The following PICALM variants were observed in gnomAD, a reference collection of about 807,000 sequenced individuals.
The protein encoded by PICALM is phosphatidylinositol binding clathrin assembly protein.
PICALM carries 40 observed loss-of-function variants against 80.5 expected under a neutral mutation model. That is an observed-to-expected ratio of 0.50 (90% CI 0.39 to 0.65). The LOEUF (loss-of-function observed/expected upper bound fraction) is 0.65, where lower values mean the gene tolerates loss of function less well. Ranked by LOEUF, PICALM falls within the 30% of genes least tolerant of loss-of-function variation. The probability of loss-of-function intolerance (pLI) is 0.00; values close to 1 mark genes in which losing one functional copy is unlikely to be tolerated. For synonymous variants in PICALM, 288 were observed against 260.3 expected, an observed-to-expected ratio of 1.11 and a Z score of -1.02; for missense variants, 676 against 778.9, an observed-to-expected ratio of 0.87 and a Z score of 1.57.
intron 1 of PICALM, among the ~76,000 whole-genome samples, chr11:86,039,590 A>G (rs2095911364): frequency 1.3e-5 from 2 of 152,298 alleles, no homozygotes; most frequent in South Asian, 4.1e-4. Flanking sequence ...TTATTTTAAC[A>G]AAGTTCTTCC....
At chr11:85,961,725 CT>C (rs1349443747) in intron 19 of PICALM, among the ~76,000 whole-genome samples, 2 of 152,134 alleles carry the variant, frequency 1.3e-5, no homozygotes, top group Non-Finnish European at 2.9e-5. Context: ...ACAAAATGAG[CT>C]TTTCTTTTAG....
chr11:86,017,680 T>C (rs778047028), intron 4 of PICALM, among the ~76,000 whole-genome samples: 1 of 152,218 alleles, frequency 6.6e-6, no homozygotes, highest in Non-Finnish European at 1.5e-5. Flanking sequence ...GGGTTATAAG[T>C]GTGCCAAGAT....
rs185638768 is a variant in PICALM at position 86,030,016 on chromosome 11, T to C, written c.273+1453A>G. Among the ~76,000 whole-genome samples the C allele has an allele frequency of 2.6e-5, 4 of 152,236 alleles. No homozygotes were observed. In the East Asian group the frequency reaches 7.7e-4, roughly 29 times the overall value. ...AAAAACTACAAATAAAATCACTCAA[T>C]GTGGTGGTATAACGATGAATCAGAA... On this transcript the variant is annotated intron_variant, in intron 2 of 19. Transcript: ENST00000393346.
intron 1 of PICALM, among the ~76,000 whole-genome samples, chr11:86,032,051 T>G (rs1194231056): frequency 6.6e-6 from 1 of 152,136 alleles, no homozygotes. Flanking sequence ...ATGAACAAAA[T>G]GAAGATCAAA....
At chr11:86,036,996 G>A (rs893149547) in intron 1 of PICALM, among the ~76,000 whole-genome samples, 1 of 151,584 alleles carries the variant, frequency 6.6e-6, no homozygotes, top group Non-Finnish European at 1.5e-5. Flanking sequence ...AGCCAGGCTG[G>A]AGTGCATGGC....
At chr11:86,028,802 T>C (rs1453680445) in intron 2 of PICALM, among the ~76,000 whole-genome samples, 1 of 152,058 alleles carries the variant, frequency 6.6e-6, no homozygotes, top group African/African-American at 2.4e-5. Flanking sequence ...TTCTTTGTTG[T>C]TGGAGACTGC....
chr11:86,006,679 A>G (rs1189990718), intron 8 of PICALM, among the ~76,000 whole-genome samples: 1 of 152,178 alleles, frequency 6.6e-6, no homozygotes, highest in Non-Finnish European at 1.5e-5. Context: ...AATGTCCTGG[A>G]ATAATTCAAA....
intron 19 of PICALM, among the ~76,000 whole-genome samples, chr11:85,960,113 G>A (rs1044369552): frequency 6.6e-6 from 1 of 152,078 alleles, no homozygotes; most frequent in Non-Finnish European, 1.5e-5. Flanking sequence ...ACATAAATAA[G>A]AACCTGAAAG....
chr11:86,036,276 A>G (rs2095842373), intron 1 of PICALM, among the ~76,000 whole-genome samples: 1 of 152,238 alleles, frequency 6.6e-6, no homozygotes, highest in Non-Finnish European at 1.5e-5. Flanking sequence ...CCAGGAAATG[A>G]AATGAACAGT....
chr11:86,033,467 A>G (rs1367827459), intron 1 of PICALM, among the ~76,000 whole-genome samples: 1 of 151,982 alleles, frequency 6.6e-6, no homozygotes, highest in Non-Finnish European at 1.5e-5. Context: ...CCTGCCTAGA[A>G]TTCTCTTCTG....
At chr11:86,067,679 G>C (rs2137920546) in intron 1 of PICALM, among the ~76,000 whole-genome samples, 1 of 152,266 alleles carries the variant, frequency 6.6e-6, no homozygotes, top group Admixed American at 6.5e-5. Context: ...TATGTTATTT[G>C]TAAGTAAATT....
rs1400154333 is a variant in PICALM at position 86,068,970 on chromosome 11, G to A, written c.-190C>T. 13 of 679,524 alleles carry A rather than the reference G, an allele frequency of 1.9e-5. No homozygotes were observed. The South Asian group carries it at 2.4e-4, about 13-fold the overall frequency. 42.1% of individuals were successfully genotyped at this position (679,524 alleles called of 1,614,324 possible). A position where few individuals can be genotyped will look rare whatever the true frequency, so the allele number is the denominator to read the frequency against. On this transcript the variant is annotated 5_prime_UTR_variant, in exon 1 of 20. Coordinates refer to ENST00000393346, the MANE Select transcript of PICALM (RefSeq NM_007166.4). ...GAGAGAACCGGCTCGTGTCACCCGC[G>A]GAGTCGGACAAGATGTCGGGCACTC...
intron 19 of PICALM, among the ~76,000 whole-genome samples, chr11:85,966,120 G>A (rs537387852): frequency 1.3e-5 from 2 of 151,698 alleles, no homozygotes; most frequent in Non-Finnish European, 2.9e-5. Context: ...CACCCGGCCC[G>A]CATTACGCAT....
chr11:86,001,200 A>C, intron 9 of PICALM, 42 bp from the exon 10 acceptor site: 1 of 1,596,772 alleles, frequency 6.3e-7, no homozygotes, highest in Admixed American at 1.7e-5. Flanking sequence ...TTTGCTAAAC[A>C]CTTCACATTA....
At chr11:86,017,570 C>T (rs556729505) in intron 4 of PICALM, among the ~76,000 whole-genome samples, 8 of 152,178 alleles carry the variant, frequency 5.3e-5, no homozygotes, top group Non-Finnish European at 8.8e-5. Flanking sequence ...ACAATCCTGA[C>T]AGGAAAGTAC....
At chr11:86,061,501 A>G (rs2096365503) in intron 1 of PICALM, among the ~76,000 whole-genome samples, 1 of 152,166 alleles carries the variant, frequency 6.6e-6, no homozygotes, top group African/African-American at 2.4e-5. Flanking sequence ...AAAGATGGCG[A>G]GTATGCATAT....
Position 85,961,928 on chromosome 11 carries a change from C to T in PICALM, c.1945-2868G>A, listed in dbSNP as rs139914070. ...CAGAGAATGAACAGCCAATGAGCTTCGGCAAATATTACATCACTAGTATAT... is the reference window on the plus strand; with the variant it reads ...CAGAGAATGAACAGCCAATGAGCTTTGGCAAATATTACATCACTAGTATAT... On this transcript the variant is annotated intron_variant, in intron 19 of 19. Coordinates refer to ENST00000393346, the MANE Select transcript of PICALM (RefSeq NM_007166.4). 2.4e-4 allele frequency among the ~76,000 whole-genome samples: 37 copies of T among 152,064 alleles called. No homozygotes were observed. The East Asian group carries it at 3.7e-3, about 15-fold the overall frequency.
chr11:86,062,149 G>A (rs2096377038), intron 1 of PICALM, among the ~76,000 whole-genome samples: 1 of 152,170 alleles, frequency 6.6e-6, no homozygotes, highest in Admixed American at 6.5e-5. Flanking sequence ...TTTCAGGGCA[G>A]ATAAACATTG....
chr11:86,020,827 G>A (rs140046026), intron 4 of PICALM, among the ~76,000 whole-genome samples: 1 of 152,114 alleles, frequency 6.6e-6, no homozygotes, highest in East Asian at 1.9e-4. Context: ...ATTAAACAAT[G>A]ATTTCTTAGA....
Sources: allele counts gnomAD v4.1 joint callset (sites outside exome capture counted in the v4.1 genomes callset), GRCh38; gene constraint gnomAD v4.1.1; transcripts MANE v1.5; gene names NCBI Gene and HGNC (gene_info 2026-07-23, HGNC 2026-07-21).